GABRB3: variants seen among roughly 807,000 people sequenced by gnomAD.
GABRB3 encodes the protein gamma-aminobutyric acid type A receptor subunit beta3, also known as gamma-aminobutyric acid receptor subunit beta-3.
Under a neutral mutation model 52.1 loss-of-function variants are expected in GABRB3, and 14 were observed. The observed-to-expected ratio is 0.27, with a 90% CI of 0.18 to 0.42. The LOEUF is 0.42. Among genes scored for constraint, GABRB3 ranks in the 10% least tolerant of loss-of-function variants. GABRB3 has a pLI of 1.00. For missense variants in GABRB3, 307 were observed against 609.1 expected (o/e 0.50, Z 5.22); for synonymous variants, 260 against 232.3 (o/e 1.12, Z -1.08).
At chr15:26,669,270 AAG>A (rs1392686566) in intron 3 of GABRB3, among the ~76,000 whole-genome samples, 2 of 152,124 alleles carry the variant, frequency 1.3e-5, no homozygotes, top group East Asian at 3.9e-4. Context: ...CTACTTAGGG[AAG>A]TATCTCCAAA....
chr15:26,602,591 G>A (rs756012320), intron 4 of GABRB3, among the ~76,000 whole-genome samples: 3 of 151,868 alleles, frequency 2.0e-5, no homozygotes, highest in Admixed American at 6.6e-5. Context: ...ATAAAACTAC[G>A]AATCAATAAT....
chr15:26,712,545 G>A (rs1889332337), intron 3 of GABRB3, among the ~76,000 whole-genome samples: 1 of 152,158 alleles, frequency 6.6e-6, no homozygotes, highest in Non-Finnish European at 1.5e-5. Flanking sequence ...GGACTAGAGT[G>A]TGGGGAAGCC....
In GABRB3 at chr15:26,544,116, A is replaced by G. The variant is rs1738313470; in HGVS notation, c.*3677T>C. 6.6e-6 allele frequency: 1 copy of G among 152,490 alleles called. No individual in the cohort carries two copies. Among genetic ancestry groups the G allele is most frequent in the African/African-American group, 2.4e-5 (1 of 41,442 alleles). 9.4% of individuals were successfully genotyped at this position (152,490 alleles called of 1,614,324 possible). A position where few individuals can be genotyped will look rare whatever the true frequency, so the allele number is the denominator to read the frequency against. The stretch of plus-strand genomic sequence containing the variant: ...TTTCACCAATTGTTCAGTTTTGCTT[A>G]CATAAAATGGCCAGAAATATGAACT... On this transcript the variant is annotated 3_prime_UTR_variant, in exon 9 of 9. Coordinates refer to ENST00000311550, the MANE Select transcript of GABRB3 (RefSeq NM_000814.6).
At chr15:26,752,830 G>A (rs190482799) in intron 3 of GABRB3, among the ~76,000 whole-genome samples, 7 of 152,116 alleles carry the variant, frequency 4.6e-5, no homozygotes, top group East Asian at 3.9e-4. Context: ...TCCTCCTTCC[G>A]AGGGACGCTA....
At chr15:26,690,064 A>G (rs1888537238) in intron 3 of GABRB3, among the ~76,000 whole-genome samples, 1 of 149,740 alleles carries the variant, frequency 6.7e-6, no homozygotes, top group South Asian at 2.1e-4. Context: ...CACTAGATAC[A>G]GCTCTTTTTT....
chr15:26,619,676 AAAAT>A (rs768373794), intron 4 of GABRB3, among the ~76,000 whole-genome samples: 13 of 152,116 alleles, frequency 8.5e-5, no homozygotes, highest in African/African-American at 1.7e-4. Flanking sequence ...AATAATAATA[AAAAT>A]AAATAAATAA....
intron 3 of GABRB3, among the ~76,000 whole-genome samples, chr15:26,746,241 A>G (rs1890335902): frequency 6.6e-6 from 1 of 150,860 alleles, no homozygotes; most frequent in Non-Finnish European, 1.5e-5. Flanking sequence ...GCATGTGCTT[A>G]TTGGCCATCT....
intron 3 of GABRB3, among the ~76,000 whole-genome samples, chr15:26,646,316 G>A (rs778497126): frequency 3.3e-5 from 5 of 152,120 alleles, no homozygotes; most frequent in Non-Finnish European, 5.9e-5. Flanking sequence ...CATATACTAC[G>A]TGGTATTTGG....
intron 4 of GABRB3, among the ~76,000 whole-genome samples, chr15:26,619,516 T>C (rs1566777681): frequency 1.0e-5 from 1 of 97,504 alleles, no homozygotes; most frequent in Non-Finnish European, 1.9e-5. Flanking sequence ...TGGGGACTGT[T>C]GTGGGGTGGG....
intron 3 of GABRB3, among the ~76,000 whole-genome samples, chr15:26,723,486 A>T (rs976357759): frequency 6.6e-6 from 1 of 152,186 alleles, no homozygotes; most frequent in African/African-American, 2.4e-5. Flanking sequence ...ACCCACATTT[A>T]ATTTAAGCAA....
intron 3 of GABRB3, among the ~76,000 whole-genome samples, chr15:26,694,770 T>C (rs576419525): frequency 6.6e-6 from 1 of 152,206 alleles, no homozygotes; most frequent in South Asian, 2.1e-4. Context: ...AAATAAAAAA[T>C]AGCTATGACT....
At chr15:26,751,978 C>T (rs1485914506) in intron 3 of GABRB3, among the ~76,000 whole-genome samples, 1 of 152,132 alleles carries the variant, frequency 6.6e-6, no homozygotes, top group African/African-American at 2.4e-5. Context: ...GGTGGCATGT[C>T]TGCCTCTCCC....
intron 3 of GABRB3, 151 bp downstream of exon 3, chr15:26,772,251 G>C: frequency 1.6e-6 from 1 of 634,946 alleles, no homozygotes. Context: ...CCGGGCAAGC[G>C]AGGGGCCGGC....
chr15:26,699,446 A>G (rs1888854908), intron 3 of GABRB3, among the ~76,000 whole-genome samples: 2 of 152,130 alleles, frequency 1.3e-5, no homozygotes, highest in Non-Finnish European at 2.9e-5. Context: ...ACAAGTAAGG[A>G]AGCATGAAAA....
intron 3 of GABRB3, among the ~76,000 whole-genome samples, chr15:26,739,413 T>C (rs1389942292): frequency 6.6e-6 from 1 of 152,020 alleles, no homozygotes; most frequent in African/African-American, 2.4e-5. Context: ...AAACTACTTG[T>C]TTATAGCCAA....
Position 26,586,704 on chromosome 15 carries a change from A to AAAGG in GABRB3, c.462-3291_462-3290insCCTT, listed in dbSNP as rs558336153. Among the ~76,000 whole-genome samples, 4 of 102,252 alleles carry AAAGG rather than the reference A, an allele frequency of 3.9e-5. No homozygotes were observed. The Admixed American group carries it at 4.1e-4, about 10-fold the overall frequency. 67.1% of individuals were successfully genotyped at this position (102,252 alleles called of 152,430 possible). On this transcript the variant is annotated intron_variant, in intron 4 of 8. Coordinates refer to ENST00000311550, the MANE Select transcript of GABRB3 (RefSeq NM_000814.6). ...TCCATCTCAAAAAAAAAAAAAAAAA[A>AAAGG]AGAGAGAGAGAGAAAGCGAAGAAGG...
intron 3 of GABRB3, among the ~76,000 whole-genome samples, chr15:26,727,248 ACTGT>A (rs1298519748): frequency 1.3e-5 from 2 of 152,332 alleles, no homozygotes; most frequent in East Asian, 1.9e-4. Context: ...TCGAATGACG[ACTGT>A]CTAATTCCAT....
chr15:26,714,604 A>C (rs1889409101), intron 3 of GABRB3, among the ~76,000 whole-genome samples: 1 of 152,174 alleles, frequency 6.6e-6, no homozygotes, highest in South Asian at 2.1e-4. Flanking sequence ...TGAGTTTCTG[A>C]CTAGCCTTTC....
At chr15:26,758,067 T>C (rs1890710547) in intron 3 of GABRB3, among the ~76,000 whole-genome samples, 1 of 151,718 alleles carries the variant, frequency 6.6e-6, no homozygotes, top group Non-Finnish European at 1.5e-5. Context: ...CAGTTTCCTT[T>C]ATAATGCAAG....
Sources: gnomAD v4.1 joint callset for allele counts (sites outside exome capture counted in the v4.1 genomes callset) on GRCh38, gnomAD v4.1.1 for gene constraint, MANE v1.5 for transcripts, NCBI Gene and HGNC (gene_info 2026-07-23, HGNC 2026-07-21) for gene names.